The following ASB4 variants were observed in gnomAD, a reference collection of about 807,000 sequenced individuals.
ASB4 encodes the protein ankyrin repeat and SOCS box containing 4, also known as ankyrin repeat and SOCS box protein 4.
ASB4 carries 35 observed loss-of-function variants against 38.6 expected under a neutral mutation model. That is an observed-to-expected ratio of 0.91 (90% CI 0.69 to 1.20). The LOEUF (loss-of-function observed/expected upper bound fraction) is 1.20. ASB4 is among the 50% of genes most tolerant of loss of function. ASB4 has a pLI of 0.00. For missense variants in ASB4, 557 were observed against 527.2 expected (o/e 1.06, Z -0.55); for synonymous variants, 195 against 201.3 (o/e 0.97, Z 0.26).
At chr7:95,501,434 G>A (rs1310805778) in intron 2 of ASB4, among the ~76,000 whole-genome samples, 7 of 152,180 alleles carry the variant, frequency 4.6e-5, no homozygotes, top group Admixed American at 1.3e-4. Flanking sequence ...ATTTTAATCC[G>A]AAATAGATAG....
chr7:95,532,905 G>A lies in ASB4; in HGVS notation c.979-3532G>A, dbSNP rs1422858670. 5.9e-5 allele frequency among the ~76,000 whole-genome samples: 9 copies of A among 152,304 alleles called. No individual in the cohort carries two copies. The East Asian group carries it at 9.7e-4, about 16-fold the overall frequency. On this transcript the variant is annotated intron_variant, in intron 3 of 4. Transcript: ENST00000325885. The stretch of plus-strand genomic sequence containing the variant: ...TTACTGAACATCTTCTGTTTTCTGG[G>A]CTGGCAAGGTCAAAAGGAGGCTGTG...
intron 2 of ASB4, among the ~76,000 whole-genome samples, chr7:95,496,644 C>G (rs145180623): frequency 6.6e-6 from 1 of 151,934 alleles, no homozygotes; most frequent in Non-Finnish European, 1.5e-5. Context: ...CCCAGGAGTT[C>G]GAGACCAGTC....
At chr7:95,504,221 T>G (rs892744659) in intron 2 of ASB4, among the ~76,000 whole-genome samples, 3 of 152,146 alleles carry the variant, frequency 2.0e-5, no homozygotes, top group African/African-American at 7.2e-5. Context: ...GGAGGAAAAT[T>G]TGTTACTGCA....
upstream of ASB4, among the ~76,000 whole-genome samples, chr7:95,485,144 A>G (rs1042100187): frequency 6.6e-6 from 1 of 151,984 alleles, no homozygotes; most frequent in African/African-American, 2.4e-5. Flanking sequence ...ACATCATGAC[A>G]ATTTATCCCT....
downstream of ASB4, among the ~76,000 whole-genome samples, chr7:95,541,145 C>G (rs1790964806): frequency 1.3e-5 from 2 of 152,154 alleles, no homozygotes; most frequent in South Asian, 4.1e-4. Context: ...CTCTGATGCT[C>G]TCTGTCTGGG....
intron 1 of ASB4, among the ~76,000 whole-genome samples, chr7:95,490,069 T>A (rs1790150014): frequency 6.6e-6 from 1 of 152,234 alleles, no homozygotes; most frequent in South Asian, 2.1e-4. Flanking sequence ...ATCAGGGTAA[T>A]GCACTTTAAG....
chr7:95,509,734 T>C (rs1321422414), intron 2 of ASB4, among the ~76,000 whole-genome samples: 1 of 152,078 alleles, frequency 6.6e-6, no homozygotes. Context: ...GAAAATAATA[T>C]ATATTAAGCA....
chr7:95,515,329 C>T (rs1348039737), intron 2 of ASB4, among the ~76,000 whole-genome samples: 2 of 129,030 alleles, frequency 1.6e-5, no homozygotes, highest in Non-Finnish European at 3.3e-5. Context: ...TCCTTCCTTC[C>T]TTCCTTTCTT....
At chr7:95,532,348 A>G (rs80300265) in intron 3 of ASB4, among the ~76,000 whole-genome samples, 14,742 of 152,236 alleles carry the variant, frequency 0.097, 767 homozygotes, top group South Asian at 0.11. Flanking sequence ...AAGCGGGGGA[A>G]AAAAGAATTA....
At chr7:95,533,377 C>A (rs1790845244) in intron 3 of ASB4, among the ~76,000 whole-genome samples, 1 of 152,198 alleles carries the variant, frequency 6.6e-6, no homozygotes, top group Non-Finnish European at 1.5e-5. Context: ...TTCTAACACT[C>A]TTCGTGCTGT....
downstream of ASB4, chr7:95,544,273 A>G (rs1791006656): frequency 6.6e-6 from 1 of 152,218 alleles, no homozygotes; most frequent in African/African-American, 2.4e-5. Context: ...ATACTTCTCA[A>G]CATGGCAGTG....
chr7:95,521,970 C>A (rs1250698740), intron 2 of ASB4, among the ~76,000 whole-genome samples: 2 of 151,854 alleles, frequency 1.3e-5, no homozygotes, highest in Non-Finnish European at 2.9e-5. Context: ...AAAACTAAAG[C>A]AAATATGGTA....
chr7:95,516,649 G>A (rs1790587347), intron 2 of ASB4, among the ~76,000 whole-genome samples: 1 of 152,188 alleles, frequency 6.6e-6, no homozygotes, highest in Admixed American at 6.5e-5. Flanking sequence ...AAAAATACGA[G>A]TAGCTGTTAA....
chr7:95,517,175 T>A (rs1790595263), intron 2 of ASB4, among the ~76,000 whole-genome samples: 1 of 152,180 alleles, frequency 6.6e-6, no homozygotes, highest in African/African-American at 2.4e-5. Context: ...ATTTTTTTTG[T>A]TGTTATTGTT....
chr7:95,537,877 A>C lies in ASB4; in HGVS notation c.*118A>C, dbSNP rs1355871850. 6 of 763,920 alleles carry C rather than the reference A, an allele frequency of 7.9e-6. No individual in the cohort carries two copies. Among genetic ancestry groups the C allele is most frequent in the Non-Finnish European group, 1.1e-5 (5 of 474,692 alleles). The allele number at this position is 763,920 out of a possible 1,614,324, so 47.3% of individuals were successfully genotyped here. On this transcript the variant is annotated 3_prime_UTR_variant, in exon 5 of 5. Coordinates refer to ENST00000325885, the MANE Select transcript of ASB4 (RefSeq NM_016116.3). ...TATAACACTTCAGGGATTTCAAAAC[A>C]CTTTACAAACACTGCCATTAATCCT...
In ASB4 at chr7:95,515,316, T is replaced by TCTTCCTTCCTTCCTTC. The variant is rs1274522352; in HGVS notation, c.488-12493_488-12478dup. ...TTCTTTCTTTCTTTCTTTCTTTCTT[T>TCTTCCTTCCTTCCTTC]CTTCCTTCCTTCCTTCCTTTCTTTC... On this transcript the variant is annotated intron_variant, in intron 2 of 4. Transcript: ENST00000325885. Among the ~76,000 whole-genome samples the TCTTCCTTCCTTCCTTC allele has an allele frequency of 2.0e-3, 189 of 95,810 alleles. 2 individuals carry two copies. The highest frequency in any genetic ancestry group is 0.011 in the East Asian group (37 of 3,220). The allele number at this position is 95,810 out of a possible 152,430, so 62.9% of individuals were successfully genotyped here.
At chr7:95,523,725 T>A (rs59576013) in intron 2 of ASB4, among the ~76,000 whole-genome samples, 7,674 of 152,288 alleles carry the variant, frequency 0.05, 346 homozygotes, top group South Asian at 0.13. Flanking sequence ...AATTATTAAT[T>A]GTAGCATTAA....
At chr7:95,499,865 C>CTT (rs61250820) in intron 2 of ASB4, among the ~76,000 whole-genome samples, 46 of 77,260 alleles carry the variant, frequency 6.0e-4, no homozygotes, top group South Asian at 1.3e-3. Flanking sequence ...GATACATCCT[C>CTT]TTTTTTTTTT....
intron 2 of ASB4, among the ~76,000 whole-genome samples, chr7:95,511,989 C>T (rs1463196751): frequency 2.0e-5 from 3 of 152,190 alleles, no homozygotes; most frequent in African/African-American, 7.2e-5. Context: ...GATCTCATCT[C>T]CACTGTAGAC....
Sources: gnomAD v4.1 joint callset for allele counts (sites outside exome capture counted in the v4.1 genomes callset) on GRCh38, gnomAD v4.1.1 for gene constraint, MANE v1.5 for transcripts, NCBI Gene and HGNC (gene_info 2026-07-23, HGNC 2026-07-21) for gene names.